Variants in ADGRL2 observed in about 807,000 individuals in gnomAD.
ADGRL2 encodes adhesion G protein-coupled receptor L2, also known as calcium-independent alpha-latrotoxin receptor 2.
ADGRL2 carries 44 observed loss-of-function variants against 157.4 expected under a neutral mutation model. The ratio of observed to expected loss-of-function variants is 0.28; its 90% CI spans 0.22 to 0.36. ADGRL2 has a LOEUF of 0.36. Ranked by LOEUF, ADGRL2 falls within the 10% of genes least tolerant of loss-of-function variation. ADGRL2 has a pLI of 1.00. For missense variants in ADGRL2, 1,510 were observed against 1,768.9 expected (o/e 0.85, Z 2.63); for synonymous variants, 585 against 624.7 (o/e 0.94, Z 0.95).
At chr1:81,764,981 C>A (rs2149322168) in intron 2 of ADGRL2, among the ~76,000 whole-genome samples, 1 of 152,062 alleles carries the variant, frequency 6.6e-6, no homozygotes, top group African/African-American at 2.4e-5. Context: ...CGTTGAAAGT[C>A]TTTTCCAAAT....
chr1:81,772,242 T>C (rs1485744780), intron 2 of ADGRL2, among the ~76,000 whole-genome samples: 1 of 140,522 alleles, frequency 7.1e-6, no homozygotes, highest in African/African-American at 2.6e-5. Context: ...AGAGCCAGAC[T>C]CTATCTCAAA....
chr1:81,798,750 TGA>T (rs1384319734), upstream of ADGRL2, among the ~76,000 whole-genome samples: 2 of 152,178 alleles, frequency 1.3e-5, no homozygotes, highest in Non-Finnish European at 2.9e-5. Context: ...AGATTATTTC[TGA>T]GAGAGTTAAA....
chr1:81,458,912 G>A (rs749380168), intron 2 of ADGRL2, among the ~76,000 whole-genome samples: 4 of 152,100 alleles, frequency 2.6e-5, no homozygotes, highest in South Asian at 2.1e-4. Flanking sequence ...TTCTTGTCCC[G>A]CCACCAGAAG....
At chr1:81,754,765 C>A (rs2085626006) in intron 1 of ADGRL2, among the ~76,000 whole-genome samples, 1 of 149,900 alleles carries the variant, frequency 6.7e-6, no homozygotes, top group Admixed American at 6.7e-5. Context: ...GTTCAACATG[C>A]AACTTTCTTG....
intron 3 of ADGRL2, among the ~76,000 whole-genome samples, chr1:81,654,715 C>T (rs1278386967): frequency 1.3e-5 from 2 of 152,164 alleles, no homozygotes; most frequent in Non-Finnish European, 2.9e-5. Flanking sequence ...TAACACTAGG[C>T]TAGGCATATT....
At chr1:81,451,673 G>T (rs182860033) in intron 2 of ADGRL2, among the ~76,000 whole-genome samples, 2 of 152,022 alleles carry the variant, frequency 1.3e-5, no homozygotes, top group Admixed American at 1.3e-4. Context: ...TAAGAGTCCC[G>T]GTCAAGCATT....
At chr1:81,631,898 A>C (rs1182608212) in intron 3 of ADGRL2, among the ~76,000 whole-genome samples, 1 of 152,082 alleles carries the variant, frequency 6.6e-6, no homozygotes, top group Non-Finnish European at 1.5e-5. Context: ...CTTGATGCTG[A>C]TTACAGTTCC....
intron 4 of ADGRL2, among the ~76,000 whole-genome samples, chr1:81,937,076 A>T (rs1413180687): frequency 1.3e-5 from 2 of 151,950 alleles, no homozygotes; most frequent in Non-Finnish European, 2.9e-5. Flanking sequence ...GTGTTTTTCC[A>T]GAAAACAAAC....
chr1:81,837,701 G>T (rs1191671398), intron 2 of ADGRL2, among the ~76,000 whole-genome samples: 1 of 151,824 alleles, frequency 6.6e-6, no homozygotes, highest in Non-Finnish European at 1.5e-5. Context: ...GATTTTTAAA[G>T]AAATAAATAT....
chr1:81,744,104 G>T (rs1190329854), intron 1 of ADGRL2, among the ~76,000 whole-genome samples: 1 of 152,088 alleles, frequency 6.6e-6, no homozygotes, highest in Admixed American at 6.6e-5. Context: ...AGAGTGTGAT[G>T]AATCAATTTT....
intron 1 of ADGRL2, among the ~76,000 whole-genome samples, chr1:81,742,239 A>G (rs542630753): frequency 6.6e-6 from 1 of 152,122 alleles, no homozygotes; most frequent in East Asian, 1.9e-4. Context: ...AATCAAATCT[A>G]TAAAAACATA....
intron 1 of ADGRL2, among the ~76,000 whole-genome samples, chr1:81,748,456 A>C (rs1324184028): frequency 7.6e-6 from 1 of 132,148 alleles, no homozygotes; most frequent in African/African-American, 2.8e-5. Context: ...CAATAGAGGG[A>C]GATTCCGTCT....
chr1:81,486,394 C>A (rs1425021130), intron 2 of ADGRL2, among the ~76,000 whole-genome samples: 2 of 152,046 alleles, frequency 1.3e-5, no homozygotes, highest in East Asian at 3.9e-4. Context: ...CCTAAATTGT[C>A]TCTGAAGGCA....
In ADGRL2 at chr1:81,968,133, T is replaced by C; in HGVS notation, c.2457T>C (p.Thr819=). 3 of 1,612,578 alleles carry C rather than the reference T, an allele frequency of 1.9e-6. No homozygotes were observed. The highest frequency in any genetic ancestry group is 2.5e-6 in the Non-Finnish European group (3 of 1,179,634). ...QGCKLVDTNK[T]RTTCACSHLT... ...GCAAGCTGGTTGACACTAATAAAAC[T>C]CGAACAACGTGTGCATGCAGCCACC... Residue 819 remains threonine, a synonymous_variant, in exon 14 of 24, where the codon ACT becomes ACC. Coordinates refer to ENST00000686636, the MANE Select transcript of ADGRL2 (RefSeq NM_001366006.2).
intron 2 of ADGRL2, among the ~76,000 whole-genome samples, chr1:81,498,807 T>A (rs1318538326): frequency 6.6e-6 from 1 of 151,568 alleles, no homozygotes; most frequent in African/African-American, 2.4e-5. Flanking sequence ...AAAAAAAAAA[T>A]AAGTCTTTAA....
At chr1:81,880,159 G>A (rs190711948) in intron 2 of ADGRL2, among the ~76,000 whole-genome samples, 1 of 152,254 alleles carries the variant, frequency 6.6e-6, no homozygotes, top group Admixed American at 6.5e-5. Context: ...CTACTGTGTT[G>A]CCTTTTTCAA....
At chr1:81,446,643 G>T (rs894383362) in intron 2 of ADGRL2, among the ~76,000 whole-genome samples, 1 of 152,150 alleles carries the variant, frequency 6.6e-6, no homozygotes, top group Non-Finnish European at 1.5e-5. Context: ...ATAACACCCA[G>T]GGATGGCTTA....
At chr1:81,424,718 C>T (rs974009631) in intron 1 of ADGRL2, among the ~76,000 whole-genome samples, 1 of 152,192 alleles carries the variant, frequency 6.6e-6, no homozygotes, top group Non-Finnish European at 1.5e-5. Flanking sequence ...TCACACTCTC[C>T]TGACTTTTTT....
chr1:81,462,604 G>T (rs150850208), intron 2 of ADGRL2, among the ~76,000 whole-genome samples: 14 of 152,202 alleles, frequency 9.2e-5, no homozygotes, highest in African/African-American at 3.1e-4. Flanking sequence ...CAGGTAGTGT[G>T]GTCCGATTTT....
Sources: gnomAD v4.1 joint callset for allele counts (sites outside exome capture counted in the v4.1 genomes callset) on GRCh38, gnomAD v4.1.1 for gene constraint, MANE v1.5 for transcripts, NCBI Gene and HGNC (gene_info 2026-07-23, HGNC 2026-07-21) for gene names.